Variants in ACOT12 observed in about 807,000 individuals in gnomAD.
ACOT12 encodes acyl-CoA thioesterase 12.
A neutral mutation model predicts 67.7 loss-of-function variants in ACOT12; 51 were observed. The observed-to-expected ratio is 0.75, with a 90% confidence interval of 0.60 to 0.95. The LOEUF is 0.95. ACOT12 is among the 40% of genes least tolerant of loss of function. ACOT12 has a pLI of 0.00. For missense variants in ACOT12, 734 were observed against 708.1 expected (o/e 1.04, Z -0.41); for synonymous variants, 251 against 244.6 (o/e 1.03, Z -0.24).
the ACOT12 span, among the ~76,000 whole-genome samples, chr5:81,311,514 A>G: frequency 2.0e-5 from 3 of 152,148 alleles, no homozygotes; most frequent in South Asian, 6.2e-4. Flanking sequence ...TTTATAAGAC[A>G]CCTGATTCAT....
In ACOT12 at chr5:81,371,747, T is replaced by C. The variant is rs768427752; in HGVS notation, c.258+3A>G. ...GGCAGATGTTTGAAAAGGTGCCTCT[T>C]ACCTCCATGCTTGTGCTGAATGCTC... is the stretch of plus-strand genomic sequence containing the variant. On this transcript the variant is annotated splice_donor_region_variant and intron_variant, in intron 3 of 14. Coordinates refer to ENST00000307624, the MANE Select transcript of ACOT12 (RefSeq NM_130767.3). The C allele has an allele frequency of 2.5e-6, 4 of 1,613,902 alleles. No homozygotes were observed. The highest frequency in any genetic ancestry group is 3.4e-6 in the Non-Finnish European group (4 of 1,179,874).
At chr5:81,312,610 T>C in the ACOT12 span, 1 of 1,614,006 alleles carries the variant, frequency 6.2e-7, no homozygotes, top group Non-Finnish European at 8.5e-7. Context: ...ATTTTGGATG[T>C]ACCTAAACCG....
At chr5:81,344,012 C>A in intron 9 of ACOT12, 131 bp from the exon 10 acceptor site, 1 of 1,215,584 alleles carries the variant, frequency 8.2e-7, no homozygotes. Flanking sequence ...GAACTATTTC[C>A]ATAAGTCAGT....
Position 81,376,576 on chromosome 5 carries a change from A to T in ACOT12, c.198-4766T>A, listed in dbSNP as rs553138119. Reference sequence around the variant, plus strand: ...GCTGTTTTTCTGAAAACGTCAGCAAATAGATAGACCCCTATCCGGACTAAT... The same window carrying T: ...GCTGTTTTTCTGAAAACGTCAGCAATTAGATAGACCCCTATCCGGACTAAT... On this transcript the variant is annotated intron_variant, in intron 2 of 14. Coordinates refer to ENST00000307624, the MANE Select transcript of ACOT12 (RefSeq NM_130767.3). Among the ~76,000 whole-genome samples the T allele has an allele frequency of 7.9e-5, 12 of 152,212 alleles. No homozygotes were observed. The East Asian group carries it at 2.3e-3, about 29-fold the overall frequency.
intron 3 of ACOT12, among the ~76,000 whole-genome samples, chr5:81,370,820 C>G (rs377524542): frequency 3.9e-5 from 6 of 152,294 alleles, no homozygotes; most frequent in South Asian, 4.1e-4. Flanking sequence ...TCTTCCATGT[C>G]TTCATGCCCA....
intron 9 of ACOT12, 69 bp downstream of exon 9, chr5:81,344,091 G>A: frequency 1.3e-6 from 2 of 1,497,276 alleles, no homozygotes; most frequent in Admixed American, 1.9e-5. Flanking sequence ...GAGACCCAGA[G>A]GGGGGCTCTT....
the ACOT12 span, among the ~76,000 whole-genome samples, chr5:81,317,822 C>T: frequency 6.6e-6 from 1 of 152,044 alleles, no homozygotes; most frequent in Non-Finnish European, 1.5e-5. Context: ...TAGAGCCAAA[C>T]CATATCACCA....
At chr5:81,362,912 G>A (rs1238437863) in intron 4 of ACOT12, among the ~76,000 whole-genome samples, 1 of 152,172 alleles carries the variant, frequency 6.6e-6, no homozygotes, top group Admixed American at 6.5e-5. Context: ...CATGTTTAAT[G>A]TTAGACTGAG....
chr5:81,311,288 T>G, the ACOT12 span: 1 of 1,613,694 alleles, frequency 6.2e-7, no homozygotes, highest in African/African-American at 1.3e-5. Flanking sequence ...AGGTGAGATC[T>G]CTGGGCCTCT....
chr5:81,328,679 G>A (rs186686111), downstream of ACOT12, among the ~76,000 whole-genome samples: 388 of 152,248 alleles, frequency 2.5e-3, 2 homozygotes, highest in African/African-American at 9.1e-3. Flanking sequence ...CCAAGAAAGC[G>A]CCAGGTGGAT....
the ACOT12 span, chr5:81,308,949 A>G: frequency 6.2e-7 from 1 of 1,612,642 alleles, no homozygotes; most frequent in Non-Finnish European, 8.5e-7. Context: ...TTTACAGGCG[A>G]ATTTCCTTTT....
At position 81,330,924 on chromosome 5, in the gene ACOT12, C is replaced by A; in HGVS notation, c.1408G>T (p.Ala470Ser). ...GATGGCAAAATGACCGACTTCACTG[C>A]CACTGTGTAAGTGTTACTGAAAGAA... is the stretch of plus-strand genomic sequence containing the variant. ...PLKDGNTYTVAVKSVILPSVP... is the reference protein window; with the variant it reads ...PLKDGNTYTVSVKSVILPSVP... The change falls in exon 14 of 15, where the codon GCA (alanine) becomes TCA (serine). Residue 470 changes from alanine (A) to serine (S), a missense_variant. Ala to Ser is a moderately conservative substitution (Grantham distance 99). Transcript: ENST00000307624. The A allele has an allele frequency of 6.2e-7, 1 of 1,611,140 alleles. No individual in the cohort carries two copies.
At chr5:81,362,610 C>T (rs1024502336) in intron 4 of ACOT12, among the ~76,000 whole-genome samples, 18 of 152,136 alleles carry the variant, frequency 1.2e-4, no homozygotes, top group African/African-American at 4.1e-4. Flanking sequence ...CGCTCAGATA[C>T]GGGCACCTGC....
intron 2 of ACOT12, among the ~76,000 whole-genome samples, chr5:81,382,251 G>A (rs1283107855): frequency 6.6e-6 from 1 of 152,136 alleles, no homozygotes; most frequent in Non-Finnish European, 1.5e-5. Context: ...ATTTTGATGT[G>A]ATGTGCACCT....
At chr5:81,366,730 T>TA (rs1444232192) in intron 3 of ACOT12, among the ~76,000 whole-genome samples, 1 of 151,734 alleles carries the variant, frequency 6.6e-6, no homozygotes, top group Admixed American at 6.6e-5. Context: ...CTTTCTAAGG[T>TA]AAAAAAATAC....
At chr5:81,379,736 T>A (rs1760525747) in intron 2 of ACOT12, among the ~76,000 whole-genome samples, 1 of 152,154 alleles carries the variant, frequency 6.6e-6, no homozygotes. Flanking sequence ...TTAATCATAG[T>A]AGAGAGGCTT....
intron 2 of ACOT12, among the ~76,000 whole-genome samples, chr5:81,382,825 T>C (rs557413825): frequency 6.6e-6 from 1 of 151,016 alleles, no homozygotes; most frequent in South Asian, 2.1e-4. Flanking sequence ...AGAAGAAGAA[T>C]AACATGGATG....
At chr5:81,331,300 G>A (rs929720622) in intron 13 of ACOT12, among the ~76,000 whole-genome samples, 3 of 152,236 alleles carry the variant, frequency 2.0e-5, no homozygotes, top group Non-Finnish European at 4.4e-5. Context: ...CACTTTGGGA[G>A]GCTGAGGCAG....
At position 81,344,150 on chromosome 5, in the gene ACOT12, T is replaced by C. The variant is rs1163759315; in HGVS notation, c.980+10A>G. The C allele has an allele frequency of 1.2e-6, 2 of 1,613,320 alleles. No individual in the cohort carries two copies. Among genetic ancestry groups the C allele is most frequent in the African/African-American group, 1.3e-5 (1 of 74,862 alleles). The stretch of plus-strand genomic sequence containing the variant: ...GACTCCATAAAATCATTACACCTTA[T>C]GTTCCTTACCTGCCTAGGCGAATTC... On this transcript the variant is annotated intron_variant, in intron 9 of 14. Coordinates refer to ENST00000307624, the MANE Select transcript of ACOT12 (RefSeq NM_130767.3).
Sources: gnomAD v4.1 joint callset for allele counts (sites outside exome capture counted in the v4.1 genomes callset) on GRCh38, gnomAD v4.1.1 for gene constraint, MANE v1.5 for transcripts, NCBI Gene and HGNC (gene_info 2026-07-23, HGNC 2026-07-21) for gene names.